IFRD1: variants seen among roughly 807,000 people sequenced by gnomAD.
IFRD1 encodes the protein interferon-related developmental regulator 1.
IFRD1 carries 35 observed loss-of-function variants against 52.9 expected under a neutral mutation model. That is an observed-to-expected ratio of 0.66 (90% CI 0.51 to 0.88). The LOEUF (loss-of-function observed/expected upper bound fraction) is 0.88. Among genes scored for constraint, IFRD1 ranks in the 40% least tolerant of loss-of-function variants. The pLI is 0.00. For synonymous variants in IFRD1, 184 were observed against 188.4 expected, an observed-to-expected ratio of 0.98 and a Z score of 0.19; for missense variants, 517 against 550.8, an observed-to-expected ratio of 0.94 and a Z score of 0.61.
chr7:112,453,941 C>T (rs576222102), intron 1 of IFRD1, among the ~76,000 whole-genome samples: 324 of 151,744 alleles, frequency 2.1e-3, no homozygotes, highest in Non-Finnish European at 3.7e-3. Flanking sequence ...AAGGTGGTGA[C>T]GTTTGAACAT....
Position 112,475,496 on chromosome 7 carries a change from G to A in IFRD1, c.1333G>A (p.Ala445Thr), listed in dbSNP as rs1230781853. 5.0e-6 allele frequency: 8 copies of A among 1,606,384 alleles called. No homozygotes were observed. In the African/African-American group the frequency reaches 5.4e-5, roughly 11 times the overall value. Residue 445 changes from alanine (A) to threonine (T), a missense_variant, in exon 12 of 12, where the codon GCA becomes ACA. Ala to Thr is a moderately conservative substitution (Grantham distance 58). Coordinates refer to ENST00000403825, the MANE Select transcript of IFRD1 (RefSeq NM_001550.4). ...KARSKCRDKR[A>T]DVGEFF The stretch of plus-strand genomic sequence containing the variant: ...TAGAAGCAAATGTCGAGATAAGAGA[G>A]CAGATGTTGGAGAATTCTTCTAGAT...
At chr7:112,446,238 C>T (rs948552227), upstream of IFRD1, 8 of 203,986 alleles carry the variant, frequency 3.9e-5, no homozygotes, top group East Asian at 6.2e-4. Flanking sequence ...TGGCCATAAA[C>T]GCTCCAGTAC....
At chr7:112,474,039 G>A (rs1377574524) in intron 11 of IFRD1, among the ~76,000 whole-genome samples, 1 of 152,130 alleles carries the variant, frequency 6.6e-6, no homozygotes, top group Non-Finnish European at 1.5e-5. Context: ...ATAATGCTTT[G>A]GAGGTTCATT....
chr7:112,462,257 A>G lies in IFRD1; in HGVS notation c.798-13A>G. On this transcript the variant is annotated splice_polypyrimidine_tract_variant and intron_variant, in intron 7 of 11. Coordinates refer to ENST00000403825, the MANE Select transcript of IFRD1 (RefSeq NM_001550.4). ...TGGTTGTATTCACATAGTAATGACT[A>G]ACTATTTTTTAGGCATTTCCATAAG... The G allele has an allele frequency of 1.2e-6, 2 of 1,608,534 alleles. No individual in the cohort carries two copies. The highest frequency in any genetic ancestry group is 1.1e-5 in the South Asian group (1 of 90,950).
intron 1 of IFRD1, among the ~76,000 whole-genome samples, chr7:112,436,147 G>A (rs1794684974): frequency 6.6e-6 from 1 of 152,094 alleles, no homozygotes. Context: ...CTCCCAAAGT[G>A]CTAGGATTAC....
upstream of IFRD1, chr7:112,450,409 GAC>G (rs1795121869): frequency 2.0e-6 from 1 of 489,856 alleles, no homozygotes; most frequent in Non-Finnish European, 3.8e-6. Flanking sequence ...CCCACAGAGT[GAC>G]GTCAGGTGGC....
rs773505025 is a variant in IFRD1, at chr7:112,450,692, C to G, written c.4C>G (p.Pro2Ala). The change falls in exon 1 of 12, where the codon CCG becomes GCG. Residue 2 changes from proline to alanine, a missense_variant. Physicochemically the swap from Pro to Ala is conservative, Grantham distance 27. Transcript: ENST00000403825. Reference sequence around the variant, plus strand: ...GGGCGGCACCGGGCGTCCCACGATGCCGAAGAACAAGAAGCGGAACACTCC... The same window carrying G: ...GGGCGGCACCGGGCGTCCCACGATGGCGAAGAACAAGAAGCGGAACACTCC... M[P>A]KNKKRNTPHR... is the part of the protein sequence containing the mutation. The G allele has an allele frequency of 1.2e-6, 2 of 1,612,628 alleles. No individual in the cohort carries two copies. Among genetic ancestry groups the G allele is most frequent in the Admixed American group, 1.7e-5 (1 of 60,004 alleles).
Position 112,474,245 on chromosome 7 carries a change from A to G in IFRD1, c.1267-1185A>G, listed in dbSNP as rs1006216499. ...AAATTTTTTTTGAAAGGCTCTTTGC[A>G]ATTTTGGGAGGTATTACCTAGGAGT... On this transcript the variant is annotated intron_variant, in intron 11 of 11. Coordinates refer to ENST00000403825, the MANE Select transcript of IFRD1 (RefSeq NM_001550.4). Among the ~76,000 whole-genome samples the G allele has an allele frequency of 1.1e-4, 16 of 152,200 alleles. No individual in the cohort carries two copies. In the East Asian group the frequency reaches 3.1e-3, roughly 29 times the overall value.
At chr7:112,473,380 A>T (rs11514940) in intron 11 of IFRD1, among the ~76,000 whole-genome samples, 1 of 151,648 alleles carries the variant, frequency 6.6e-6, no homozygotes. Context: ...ACAAATGAGG[A>T]AACTTAAGAG....
intron 1 of IFRD1, among the ~76,000 whole-genome samples, chr7:112,451,377 C>A (rs6978173): frequency 6.6e-6 from 1 of 152,168 alleles, no homozygotes; most frequent in Non-Finnish European, 1.5e-5. Context: ...CTTTCTCCCC[C>A]CTAGGCTGTG....
chr7:112,456,940 A>G lies in IFRD1; in HGVS notation c.311A>G (p.Glu104Gly). Reference protein sequence around the residue: ...KSAKTRQAALEGIKNALASKM... With the variant: ...KSAKTRQAALGGIKNALASKM... ...GCGAAGACAAGGCAAGCAGCTCTTGAAGGTATTAAAAATGCACTGGCTTCA... is the reference window on the plus strand; with the variant it reads ...GCGAAGACAAGGCAAGCAGCTCTTGGAGGTATTAAAAATGCACTGGCTTCA... The change falls in exon 4 of 12, where the codon GAA (glutamate) becomes GGA (glycine). Residue 104 changes from glutamate to glycine, a missense_variant. Glu to Gly is a moderately conservative substitution (Grantham distance 98). Coordinates refer to ENST00000403825, the MANE Select transcript of IFRD1 (RefSeq NM_001550.4). 1 of 1,613,958 alleles carries G rather than the reference A, an allele frequency of 6.2e-7. No individual in the cohort carries two copies. Among genetic ancestry groups the G allele is most frequent in the Non-Finnish European group, 8.5e-7 (1 of 1,179,834 alleles).
At chr7:112,473,298 TTAAGAA>T (rs1366338119) in intron 11 of IFRD1, among the ~76,000 whole-genome samples, 1 of 152,178 alleles carries the variant, frequency 6.6e-6, no homozygotes, top group African/African-American at 2.4e-5. Context: ...GTTTTTATGT[TTAAGAA>T]TAAGTATTTA....
chr7:112,461,145 G>A (rs553215539), intron 5 of IFRD1, among the ~76,000 whole-genome samples: 106 of 151,160 alleles, frequency 7.0e-4, no homozygotes, highest in South Asian at 1.7e-3. Flanking sequence ...TCCAGAATAA[G>A]TGAAATCTGA....
Position 112,435,698 on chromosome 7 carries a change from T to G in IFRD1, c.-182+12266T>G, listed in dbSNP as rs905166744. On this transcript the variant is annotated intron_variant, in intron 1 of 12. Coordinates refer to the IFRD1 transcript ENST00000005558. ...GCCACATACTCTGACTGCAACCCCA[T>G]ACATGAGCTCCAACAGCCAGTATAA... is the stretch of plus-strand genomic sequence containing the variant. The G allele has an allele frequency of 3.9e-5, 5 of 129,580 alleles. No homozygotes were observed. In the Admixed American group the frequency reaches 4.2e-4, roughly 11 times the overall value. 8.0% of individuals were successfully genotyped at this position (129,580 alleles called of 1,614,324 possible).
Position 112,475,515 on chromosome 7 carries a change from T to G in IFRD1, c.1352T>G (p.Phe451Cys). ...AAGAGAGCAGATGTTGGAGAATTCT[T>G]CTAGATTTTCAGAACTTGAAGACTA... The part of the protein sequence containing the change: ...RDKRADVGEF[F>C] Residue 451 changes from phenylalanine to cysteine, a missense_variant, in exon 12 of 12, where the codon TTC (phenylalanine) becomes TGC (cysteine). Transcript: ENST00000403825. 2 of 1,591,138 alleles carry G rather than the reference T, an allele frequency of 1.3e-6. No homozygotes were observed. The highest frequency in any genetic ancestry group is 1.1e-5 in the South Asian group (1 of 90,160).
chr7:112,456,138 C>T, intron 3 of IFRD1, 52 bp downstream of exon 3: 2 of 1,002,234 alleles, frequency 2.0e-6, no homozygotes, highest in East Asian at 4.8e-5. Context: ...TGATCTTAGT[C>T]AAAAGCTAAG....
chr7:112,443,173 G>A lies in IFRD1; in HGVS notation c.-181-7335G>A, dbSNP rs181276954. Among the ~76,000 whole-genome samples the A allele has an allele frequency of 3.2e-4, 48 of 152,274 alleles. 1 individual carries two copies. The East Asian group carries it at 7.9e-3, about 25-fold the overall frequency. On this transcript the variant is annotated intron_variant, in intron 1 of 12. Coordinates refer to the IFRD1 transcript ENST00000005558. ...TTGGATCTTAATCATGTTGTCAGTC[G>A]TTTCCCAGGTGAGGCAGGAGTCTGA...
intron 1 of IFRD1, among the ~76,000 whole-genome samples, chr7:112,429,906 A>C (rs1402738964): frequency 6.6e-6 from 1 of 152,200 alleles, no homozygotes; most frequent in South Asian, 2.1e-4. Context: ...AAAATATAGA[A>C]TGTTACTATT....
At chr7:112,467,098 A>T (rs1795626860) in intron 8 of IFRD1, among the ~76,000 whole-genome samples, 1 of 152,202 alleles carries the variant, frequency 6.6e-6, no homozygotes, top group Admixed American at 6.5e-5. Context: ...CAGTGTAATA[A>T]TCCTTTTCAT....
Sources: allele counts gnomAD v4.1 joint callset (sites outside exome capture counted in the v4.1 genomes callset), GRCh38; gene constraint gnomAD v4.1.1; transcripts MANE v1.5; gene names NCBI Gene and HGNC (gene_info 2026-07-23, HGNC 2026-07-21).